Variants in TAOK3 observed in about 807,000 individuals in gnomAD.
TAOK3 encodes TAO kinase 3, also known as serine/threonine-protein kinase TAO3.
TAOK3 carries 40 observed loss-of-function variants against 120.4 expected under a neutral mutation model. The ratio of observed to expected loss-of-function variants is 0.33; its 90% CI spans 0.26 to 0.43. The LOEUF (loss-of-function observed/expected upper bound fraction) is 0.43, where lower values mean the gene tolerates loss of function less well. Ranked by LOEUF, TAOK3 falls within the 20% of genes least tolerant of loss-of-function variation. The pLI is 1.00. For synonymous variants in TAOK3, 355 were observed against 387.5 expected, an observed-to-expected ratio of 0.92 and a Z score of 0.99; for missense variants, 821 against 1,112.1, an observed-to-expected ratio of 0.74 and a Z score of 3.72.
chr12:118,221,816 A>G lies in TAOK3; in HGVS notation c.644-7706T>C, dbSNP rs571658144. Among the ~76,000 whole-genome samples, 18 of 151,548 alleles carry G rather than the reference A, an allele frequency of 1.2e-4. No individual in the cohort carries two copies. In the South Asian group the frequency reaches 3.8e-3, roughly 32 times the overall value. On this transcript the variant is annotated intron_variant, in intron 9 of 20. Coordinates refer to ENST00000392533, the MANE Select transcript of TAOK3 (RefSeq NM_016281.4). ...CGCCCGGCTAATTTTTTGTATTTTT[A>G]GTAGAGATGGGGTTTCACTGTGTTA...
At chr12:118,304,579 C>A (rs775198518) in intron 1 of TAOK3, among the ~76,000 whole-genome samples, 6 of 152,126 alleles carry the variant, frequency 3.9e-5, no homozygotes, top group Non-Finnish European at 8.8e-5. Context: ...TGCATGGTTA[C>A]AATGTTCTCT....
chr12:118,304,712 G>GT (rs2042988767), intron 1 of TAOK3, among the ~76,000 whole-genome samples: 1 of 152,134 alleles, frequency 6.6e-6, no homozygotes, highest in South Asian at 2.1e-4. Flanking sequence ...AATTTGTGAT[G>GT]TTTTTAGCAA....
intron 1 of TAOK3, among the ~76,000 whole-genome samples, chr12:118,323,116 C>T (rs1194594728): frequency 6.6e-6 from 1 of 151,964 alleles, no homozygotes; most frequent in Non-Finnish European, 1.5e-5. Flanking sequence ...AATAAACATC[C>T]CATAAACAGC....
At chr12:118,275,354 C>G (rs1261608990) in intron 1 of TAOK3, among the ~76,000 whole-genome samples, 4 of 151,888 alleles carry the variant, frequency 2.6e-5, no homozygotes, top group African/African-American at 9.7e-5. Context: ...AGACTGGTCT[C>G]CAACTCCTGG....
intron 9 of TAOK3, among the ~76,000 whole-genome samples, chr12:118,232,258 T>C (rs921726081): frequency 6.6e-6 from 1 of 152,212 alleles, no homozygotes; most frequent in Non-Finnish European, 1.5e-5. Context: ...GTTCAAAATA[T>C]ACAACCAAAG....
chr12:118,223,645 A>AT (rs370848653), intron 9 of TAOK3, among the ~76,000 whole-genome samples: 70,862 of 135,738 alleles, frequency 0.52, 18,526 homozygotes, highest in Admixed American at 0.54. Flanking sequence ...CGCACCCGGC[A>AT]TTTTTTTTTT....
chr12:118,280,008 G>A (rs543329649), intron 1 of TAOK3, among the ~76,000 whole-genome samples: 9 of 150,410 alleles, frequency 6.0e-5, no homozygotes, highest in Middle Eastern at 3.6e-3. Context: ...TTCGTGATCC[G>A]CCCGCCTTAG....
intron 1 of TAOK3, among the ~76,000 whole-genome samples, chr12:118,366,854 C>T (rs533390501): frequency 2.6e-5 from 4 of 152,172 alleles, no homozygotes; most frequent in Non-Finnish European, 5.9e-5. Context: ...CTCTGGGAGG[C>T]TGAGGTGGGC....
intron 1 of TAOK3, among the ~76,000 whole-genome samples, chr12:118,368,792 C>T (rs1406034772): frequency 2.8e-5 from 4 of 144,122 alleles, no homozygotes; most frequent in East Asian, 4.1e-4. Context: ...GGCGACAGAG[C>T]GAGACTCTGT....
chr12:118,156,019 G>A (rs533992337), intron 19 of TAOK3, among the ~76,000 whole-genome samples: 3 of 152,268 alleles, frequency 2.0e-5, no homozygotes, highest in African/African-American at 4.8e-5. Context: ...GAGCCACCGC[G>A]CCTGGTCTCT....
At chr12:118,329,129 G>T (rs567758018) in intron 1 of TAOK3, among the ~76,000 whole-genome samples, 1 of 152,158 alleles carries the variant, frequency 6.6e-6, no homozygotes, top group East Asian at 1.9e-4. Context: ...TTTGAGGAAG[G>T]GGGGCAGTTA....
rs1388391921 is a variant in TAOK3 at position 118,199,075 on chromosome 12, G to A, written c.1170C>T (p.Ser390=). ...CTTTCTTATGCACGACGGAGGAGCT[G>A]GAATTGATTGTGCTTTCGTCATCGT... ...MMHDDESTIN[S]SSSVVHKKDH... is the part of the protein sequence containing the mutation. The change falls in exon 13 of 21, where the codon TCC becomes TCT. Residue 390 remains serine (S), a synonymous_variant. Transcript: ENST00000392533. The A allele has an allele frequency of 1.2e-6, 2 of 1,614,190 alleles. No homozygotes were observed. The highest frequency in any genetic ancestry group is 1.7e-5 in the Admixed American group (1 of 60,032).
chr12:118,246,527 C>T (rs2040513891), intron 3 of TAOK3: 2 of 1,549,286 alleles, frequency 1.3e-6, no homozygotes, highest in Non-Finnish European at 1.7e-6. Context: ...AGGAGGTGGC[C>T]ACCGCCATCC....
At chr12:118,172,770 C>A in intron 16 of TAOK3, 110 bp from the exon 17 acceptor site, 2 of 1,013,458 alleles carry the variant, frequency 2.0e-6, no homozygotes. Flanking sequence ...GATGTAAGCA[C>A]AGAAAAGCTT....
intron 9 of TAOK3, among the ~76,000 whole-genome samples, chr12:118,218,334 G>A (rs1364358359): frequency 1.3e-5 from 2 of 152,110 alleles, no homozygotes; most frequent in African/African-American, 4.8e-5. Context: ...CTTGCTTTCT[G>A]GCAACTTCAA....
intron 14 of TAOK3, among the ~76,000 whole-genome samples, chr12:118,188,919 TGTGA>T (rs2037239158): frequency 1.8e-5 from 1 of 56,002 alleles, no homozygotes; most frequent in Non-Finnish European, 3.2e-5. Flanking sequence ...GATGAAACGA[TGTGA>T]GTGTGTGTGT....
At chr12:118,327,426 T>C (rs1040781262) in intron 1 of TAOK3, among the ~76,000 whole-genome samples, 2 of 152,218 alleles carry the variant, frequency 1.3e-5, no homozygotes, top group Non-Finnish European at 2.9e-5. Context: ...GAAACACTTA[T>C]TTATATAATG....
At chr12:118,313,143 C>G (rs1319926794) in intron 1 of TAOK3, among the ~76,000 whole-genome samples, 2 of 152,094 alleles carry the variant, frequency 1.3e-5, no homozygotes, top group Non-Finnish European at 2.9e-5. Flanking sequence ...AGACAGCTAT[C>G]CAACTAGAGA....
chr12:118,169,991 G>A (rs1399485850), intron 17 of TAOK3, among the ~76,000 whole-genome samples: 1 of 152,188 alleles, frequency 6.6e-6, no homozygotes, highest in African/African-American at 2.4e-5. Flanking sequence ...AAAGTGCTGG[G>A]ATTACAGGAG....
Sources: allele counts gnomAD v4.1 joint callset (sites outside exome capture counted in the v4.1 genomes callset), GRCh38; gene constraint gnomAD v4.1.1; transcripts MANE v1.5; gene names NCBI Gene and HGNC (gene_info 2026-07-23, HGNC 2026-07-21).